GABRG3: variants seen among roughly 807,000 people sequenced by gnomAD.
GABRG3 encodes gamma-aminobutyric acid receptor subunit gamma-3.
In GABRG3, 25 loss-of-function variants were observed where a neutral mutation model predicts 48.8. That is an observed-to-expected ratio of 0.51 (90% CI 0.37 to 0.72). The LOEUF is 0.72. Among genes scored for constraint, GABRG3 ranks in the 30% least tolerant of loss-of-function variants. The pLI is 0.00. For missense variants in GABRG3, 394 were observed against 577.9 expected, an observed-to-expected ratio of 0.68 and a Z score of 3.26; for synonymous variants, 227 against 217.6, an observed-to-expected ratio of 1.04 and a Z score of -0.38.
chr15:27,269,967 A>G (rs1891031374), intron 3 of GABRG3, among the ~76,000 whole-genome samples: 1 of 152,232 alleles, frequency 6.6e-6, no homozygotes, highest in African/African-American at 2.4e-5. Flanking sequence ...AATATTAGCT[A>G]TGTTATTGAA....
At chr15:27,404,468 G>A (rs1239698361) in intron 5 of GABRG3, among the ~76,000 whole-genome samples, 1 of 152,078 alleles carries the variant, frequency 6.6e-6, no homozygotes, top group Non-Finnish European at 1.5e-5. Context: ...GTTTATACGT[G>A]GGCGTCAACC....
At chr15:27,523,570 G>T (rs1380066685) in intron 7 of GABRG3, among the ~76,000 whole-genome samples, 3 of 151,804 alleles carry the variant, frequency 2.0e-5, no homozygotes, top group Non-Finnish European at 4.4e-5. Flanking sequence ...ATCTGACTAG[G>T]ATTTTAAAAT....
rs1402850349 is a variant in GABRG3 at position 27,308,121 on chromosome 15, CAT to C, written c.271-18682_271-18681del. On this transcript the variant is annotated intron_variant, in intron 3 of 9. Transcript: ENST00000615808. ...AAACATATATGTTTATACATCCAAA[CAT>C]ATATAAACATATATGTTTATACATC... 3.2e-4 allele frequency among the ~76,000 whole-genome samples: 38 copies of C among 119,172 alleles called. 5 individuals are homozygous for C. Among genetic ancestry groups the C allele is most frequent in the African/African-American group, 1.3e-3 (37 of 28,048 alleles). 78.2% of individuals were successfully genotyped at this position (119,172 alleles called of 152,430 possible).
At chr15:27,250,779 C>G (rs1383729272) in intron 3 of GABRG3, among the ~76,000 whole-genome samples, 1 of 152,202 alleles carries the variant, frequency 6.6e-6, no homozygotes, top group African/African-American at 2.4e-5. Flanking sequence ...ATATCTCACA[C>G]ATTTTCTTAG....
intron 3 of GABRG3, among the ~76,000 whole-genome samples, chr15:27,313,240 A>G (rs369973051): frequency 0.019 from 1,055 of 56,896 alleles, 46 homozygotes; most frequent in Non-Finnish European, 0.026. Flanking sequence ...ATATGTATAT[A>G]TGTGTGTGTG....
chr15:27,464,645 C>T (rs562367335), intron 5 of GABRG3, among the ~76,000 whole-genome samples: 5 of 152,278 alleles, frequency 3.3e-5, no homozygotes, highest in African/African-American at 1.2e-4. Flanking sequence ...TTGTTAAAAT[C>T]CTAGCCATCC....
intron 3 of GABRG3, among the ~76,000 whole-genome samples, chr15:27,034,591 T>TA (rs564257264): frequency 6.3e-4 from 94 of 149,534 alleles, no homozygotes; most frequent in African/African-American, 1.9e-3. Context: ...CTCTGCAAAT[T>TA]AAAAAAAAAA....
At chr15:27,213,141 C>T (rs1889126949) in intron 3 of GABRG3, among the ~76,000 whole-genome samples, 1 of 152,098 alleles carries the variant, frequency 6.6e-6, no homozygotes, top group Non-Finnish European at 1.5e-5. Flanking sequence ...TGACTAAGGA[C>T]CACCAGGGGA....
chr15:27,199,980 C>T (rs918638026), intron 3 of GABRG3, among the ~76,000 whole-genome samples: 5 of 151,472 alleles, frequency 3.3e-5, no homozygotes, highest in African/African-American at 9.7e-5. Flanking sequence ...TCCCTTCCTT[C>T]CTCCCTCTAC....
chr15:27,476,260 TAAC>T (rs368909408), intron 5 of GABRG3, among the ~76,000 whole-genome samples: 29 of 151,736 alleles, frequency 1.9e-4, no homozygotes, highest in African/African-American at 5.3e-4. Flanking sequence ...AACAAAGAAA[TAAC>T]AAAATCTTAA....
At chr15:27,128,904 ATG>A (rs1404208991) in intron 3 of GABRG3, among the ~76,000 whole-genome samples, 1 of 152,230 alleles carries the variant, frequency 6.6e-6, no homozygotes, top group African/African-American at 2.4e-5. Flanking sequence ...TATTTATAAA[ATG>A]TAATTTACAG....
chr15:27,133,015 G>A (rs8023868), intron 3 of GABRG3, among the ~76,000 whole-genome samples: 3,699 of 151,536 alleles, frequency 0.024, 164 homozygotes, highest in African/African-American at 0.084. Context: ...TTCATTTACC[G>A]CAAGATATTT....
At chr15:27,048,043 G>A (rs1896393493) in intron 3 of GABRG3, among the ~76,000 whole-genome samples, 1 of 152,180 alleles carries the variant, frequency 6.6e-6, no homozygotes, top group Non-Finnish European at 1.5e-5. Context: ...ACAGATAGTC[G>A]GTGAGTGAGG....
chr15:27,278,939 A>G (rs1891344394), intron 3 of GABRG3, among the ~76,000 whole-genome samples: 1 of 152,166 alleles, frequency 6.6e-6, no homozygotes, highest in African/African-American at 2.4e-5. Context: ...CCCAGTAGCA[A>G]TGCAGGAGAA....
intron 5 of GABRG3, among the ~76,000 whole-genome samples, chr15:27,450,235 A>G (rs1008384597): frequency 1.3e-5 from 2 of 152,172 alleles, no homozygotes; most frequent in Non-Finnish European, 2.9e-5. Context: ...TCTACCGCAT[A>G]TGTTGCTTCA....
At chr15:27,291,120 G>A (rs746167871) in intron 3 of GABRG3, among the ~76,000 whole-genome samples, 13 of 152,216 alleles carry the variant, frequency 8.5e-5, no homozygotes, top group Admixed American at 3.9e-4. Flanking sequence ...TTATAGAAAC[G>A]ATCATATTCA....
At chr15:26,996,572 C>A (rs1001587132) in intron 2 of GABRG3, among the ~76,000 whole-genome samples, 1 of 151,952 alleles carries the variant, frequency 6.6e-6, no homozygotes, top group Non-Finnish European at 1.5e-5. Context: ...CTTGGAATTT[C>A]TGACCCTTTA....
At chr15:27,322,365 G>A (rs1326391932) in intron 3 of GABRG3, among the ~76,000 whole-genome samples, 1 of 152,128 alleles carries the variant, frequency 6.6e-6, no homozygotes, top group Non-Finnish European at 1.5e-5. Flanking sequence ...TGGGACAGGG[G>A]TGGGGATTCC....
At chr15:27,307,614 G>T (rs1354634901) in intron 3 of GABRG3, among the ~76,000 whole-genome samples, 1 of 110,114 alleles carries the variant, frequency 9.1e-6, no homozygotes, top group Non-Finnish European at 1.8e-5. Context: ...TATAAACATA[G>T]GTTTATAGGT....
Sources: gnomAD v4.1 joint callset for allele counts (sites outside exome capture counted in the v4.1 genomes callset) on GRCh38, gnomAD v4.1.1 for gene constraint, MANE v1.5 for transcripts, NCBI Gene and HGNC (gene_info 2026-07-23, HGNC 2026-07-21) for gene names.